Variants in ZFHX3 observed in about 807,000 individuals in gnomAD.
ZFHX3 encodes the protein zinc finger homeobox 3.
A neutral mutation model predicts 279.1 loss-of-function variants in ZFHX3; 42 were observed. The observed-to-expected ratio is 0.15, with a 90% CI of 0.12 to 0.19. The LOEUF (loss-of-function observed/expected upper bound fraction) is 0.19. Among genes scored for constraint, ZFHX3 ranks in the 10% least tolerant of loss-of-function variants. The pLI, the probability that ZFHX3 is intolerant of heterozygous loss-of-function variation, is 1.00. For missense variants in ZFHX3, 4,981 were observed against 4,754.0 expected, an observed-to-expected ratio of 1.05 and a Z score of -1.40; for synonymous variants, 2,293 against 1,957.8, an observed-to-expected ratio of 1.17 and a Z score of -4.52.
chr16:73,225,963 C>T (rs2012578569), intron 5 of ZFHX3, among the ~76,000 whole-genome samples: 1 of 152,186 alleles, frequency 6.6e-6, no homozygotes, highest in South Asian at 2.1e-4. Context: ...AGCTCCTGGT[C>T]CCAGAAGCTG....
At chr16:73,840,166 G>C (rs372704549) in intron 1 of ZFHX3, among the ~76,000 whole-genome samples, 2 of 152,180 alleles carry the variant, frequency 1.3e-5, no homozygotes, top group African/African-American at 4.8e-5. Flanking sequence ...TAATGCTAAA[G>C]TGAGGATGCT....
intron 8 of ZFHX3, among the ~76,000 whole-genome samples, chr16:73,087,830 CT>C (rs780641598): frequency 8.2e-4 from 121 of 146,728 alleles, no homozygotes; most frequent in Admixed American, 1.2e-3. Context: ...ATTTCTCTCT[CT>C]TTTTTTTTTT....
intron 1 of ZFHX3, among the ~76,000 whole-genome samples, chr16:72,965,618 T>A (rs1400657818): frequency 2.0e-5 from 3 of 152,110 alleles, no homozygotes; most frequent in African/African-American, 7.2e-5. Flanking sequence ...TACATTCTTG[T>A]AGAGAAGAGA....
At chr16:73,689,284 A>T (rs1280640533) in intron 1 of ZFHX3, among the ~76,000 whole-genome samples, 1 of 152,056 alleles carries the variant, frequency 6.6e-6, no homozygotes, top group Non-Finnish European at 1.5e-5. Context: ...CTCTGGGGAC[A>T]GGGGGGTTTT....
intron 3 of ZFHX3, among the ~76,000 whole-genome samples, chr16:72,923,938 G>A (rs528280061): frequency 3.3e-5 from 5 of 152,304 alleles, no homozygotes; most frequent in South Asian, 4.1e-4. Context: ...TTCACAACAC[G>A]ATTACTCATT....
intron 3 of ZFHX3, among the ~76,000 whole-genome samples, chr16:73,447,777 C>A (rs1187939868): frequency 6.6e-6 from 1 of 152,112 alleles, no homozygotes; most frequent in Non-Finnish European, 1.5e-5. Context: ...GAGGTCTACA[C>A]GGAGCTCTAC....
intron 5 of ZFHX3, among the ~76,000 whole-genome samples, chr16:72,813,514 T>C (rs1010160337): frequency 6.6e-6 from 1 of 152,230 alleles, no homozygotes. Context: ...AAGTTGATGC[T>C]CTTCCCAGAG....
intron 3 of ZFHX3, among the ~76,000 whole-genome samples, chr16:73,424,753 CAAAAAAA>C (rs71156163): frequency 0.38 from 36,916 of 95,972 alleles, 6,435 homozygotes; most frequent in Non-Finnish European, 0.48. Flanking sequence ...TACCCTGTGT[CAAAAAAA>C]AAAAAAAAAA....
intron 2 of ZFHX3, among the ~76,000 whole-genome samples, chr16:73,673,489 T>C (rs1469251074): frequency 6.6e-6 from 1 of 152,076 alleles, no homozygotes; most frequent in Non-Finnish European, 1.5e-5. Flanking sequence ...TCCCAGGCTA[T>C]CACCAAGAAG....
At chr16:73,805,062 G>A (rs1171496164) in intron 1 of ZFHX3, among the ~76,000 whole-genome samples, 1 of 152,078 alleles carries the variant, frequency 6.6e-6, no homozygotes, top group Non-Finnish European at 1.5e-5. Context: ...ATTTCCTGCT[G>A]CACCTCTGAC....
chr16:72,877,399 G>A (rs1048703705), intron 4 of ZFHX3, among the ~76,000 whole-genome samples: 3 of 151,920 alleles, frequency 2.0e-5, no homozygotes, highest in Non-Finnish European at 2.9e-5. Context: ...ATATCTAATA[G>A]TGAGATCAAA....
chr16:73,783,374 T>C (rs1015331537), intron 1 of ZFHX3, among the ~76,000 whole-genome samples: 3 of 152,202 alleles, frequency 2.0e-5, no homozygotes, highest in Admixed American at 6.5e-5. Context: ...CTTAGTCATG[T>C]TGTTCCCCAG....
At chr16:73,142,220 G>C (rs4261572) in intron 6 of ZFHX3, among the ~76,000 whole-genome samples, 62,757 of 152,044 alleles carry the variant, frequency 0.41, 13,590 homozygotes, top group Middle Eastern at 0.52. Flanking sequence ...ATGACCTTGT[G>C]CCTCTGGCCT....
intron 4 of ZFHX3, among the ~76,000 whole-genome samples, chr16:73,300,632 A>T (rs11646128): frequency 0.88 from 133,825 of 152,198 alleles, 59,428 homozygotes; most frequent in African/African-American, 0.96. Context: ...GCCTCCCGCG[A>T]AGCTGGGATT....
rs145379084 is a variant in ZFHX3 at position 73,361,952 on chromosome 16, C to T, written c.-1290-43616G>A. On this transcript the variant is annotated intron_variant, in intron 3 of 17. Coordinates refer to the ZFHX3 transcript ENST00000641206. ...ACTTGCCCCAATCAGGCAGCCCATC[C>T]GTCTGCTCTCATGCTTGTCATGAAC... is the stretch of plus-strand genomic sequence containing the variant. Among the ~76,000 whole-genome samples the T allele has an allele frequency of 8.0e-3, 1,219 of 152,268 alleles. 8 individuals carry two copies. The highest frequency in any genetic ancestry group is 0.013 in the Non-Finnish European group (889 of 68,034).
intron 2 of ZFHX3, among the ~76,000 whole-genome samples, chr16:73,533,786 C>T (rs1395547345): frequency 6.6e-6 from 1 of 152,128 alleles, no homozygotes; most frequent in African/African-American, 2.4e-5. Flanking sequence ...CTTGAACTCC[C>T]TCTCTTTTAC....
At chr16:73,680,818 G>A (rs541666767) in intron 1 of ZFHX3, among the ~76,000 whole-genome samples, 1 of 152,266 alleles carries the variant, frequency 6.6e-6, no homozygotes, top group East Asian at 1.9e-4. Flanking sequence ...GGATTTAATT[G>A]TACCTTTGCT....
intron 3 of ZFHX3, among the ~76,000 whole-genome samples, chr16:72,914,940 G>A (rs1027660012): frequency 5.9e-5 from 9 of 152,156 alleles, no homozygotes; most frequent in Non-Finnish European, 1.2e-4. Context: ...GCAGTGAGCT[G>A]AGATCACACT....
intron 2 of ZFHX3, among the ~76,000 whole-genome samples, chr16:73,636,931 A>G (rs2052532053): frequency 6.6e-6 from 1 of 152,126 alleles, no homozygotes; most frequent in African/African-American, 2.4e-5. Flanking sequence ...CTTAACTGAA[A>G]AAAATACACA....
Sources: allele counts gnomAD v4.1 joint callset (sites outside exome capture counted in the v4.1 genomes callset), GRCh38; gene constraint gnomAD v4.1.1; transcripts MANE v1.5; gene names NCBI Gene and HGNC (gene_info 2026-07-23, HGNC 2026-07-21).